The following NBAS variants were observed in gnomAD, a reference collection of about 807,000 sequenced individuals.
NBAS encodes the protein NBAS subunit of NRZ tethering complex.
In NBAS, 219 loss-of-function variants were observed where a neutral mutation model predicts 302.5. The observed-to-expected ratio is 0.72, with a 90% CI of 0.65 to 0.81. NBAS has a LOEUF of 0.81. NBAS is among the 30% of genes least tolerant of loss of function. The pLI is 0.00. For synonymous variants in NBAS, 1,118 were observed against 1,021.6 expected, an observed-to-expected ratio of 1.09 and a Z score of -1.80; for missense variants, 2,932 against 2,841.6, an observed-to-expected ratio of 1.03 and a Z score of -0.72.
rs1025348553 is a variant in NBAS at position 15,393,103 on chromosome 2, G to T, written c.3257+1124C>A. On this transcript the variant is annotated intron_variant, in intron 28 of 51. Transcript: ENST00000281513. Reference sequence around the variant, plus strand: ...AACAATAAACAAAAATGGATTCTTAGAATGGTTCATGGGTCTAAATGTAAA... The same window carrying T: ...AACAATAAACAAAAATGGATTCTTATAATGGTTCATGGGTCTAAATGTAAA... Among the ~76,000 whole-genome samples, 4 of 152,066 alleles carry T rather than the reference G, an allele frequency of 2.6e-5. No homozygotes were observed. The East Asian group carries it at 7.7e-4, about 29-fold the overall frequency.
intron 48 of NBAS, among the ~76,000 whole-genome samples, chr2:15,192,676 T>G (rs1665418524): frequency 6.6e-6 from 1 of 152,178 alleles, no homozygotes. Context: ...TAGCCTTTTC[T>G]TCCTGCAGGA....
chr2:14,937,295 C>T, the NBAS span, among the ~76,000 whole-genome samples: 1 of 152,192 alleles, frequency 6.6e-6, no homozygotes, highest in African/African-American at 2.4e-5. Context: ...ATTTATGAAG[C>T]AGGTGTACTG....
chr2:15,093,056 G>A, the NBAS span, among the ~76,000 whole-genome samples: 1 of 152,200 alleles, frequency 6.6e-6, no homozygotes, highest in Non-Finnish European at 1.5e-5. Flanking sequence ...GCCTCCGTGA[G>A]CCTGCTCTGG....
At chr2:15,230,345 G>A (rs1667328594) in intron 47 of NBAS, among the ~76,000 whole-genome samples, 1 of 138,670 alleles carries the variant, frequency 7.2e-6, no homozygotes, top group Non-Finnish European at 1.5e-5. Flanking sequence ...AAAAATACTT[G>A]CCAAAATAAA....
intron 21 of NBAS, among the ~76,000 whole-genome samples, chr2:15,456,628 A>G (rs1435474618): frequency 6.6e-6 from 1 of 152,218 alleles, no homozygotes; most frequent in East Asian, 1.9e-4. Context: ...CCTACTTTCC[A>G]GGCAATATTC....
At chr2:14,784,894 A>G in the NBAS span, among the ~76,000 whole-genome samples, 1 of 152,208 alleles carries the variant, frequency 6.6e-6, no homozygotes, top group Non-Finnish European at 1.5e-5. Context: ...CATTGAATCT[A>G]TAAATTACCT....
intron 40 of NBAS, among the ~76,000 whole-genome samples, chr2:15,294,568 C>G (rs1027219319): frequency 6.6e-6 from 1 of 152,190 alleles, no homozygotes; most frequent in African/African-American, 2.4e-5. Flanking sequence ...AGCACGTGCA[C>G]AGCCACCTCT....
At chr2:15,178,085 T>C (rs1270414479) in intron 51 of NBAS, 2 of 463,410 alleles carry the variant, frequency 4.3e-6, no homozygotes, top group African/African-American at 2.0e-5. Context: ...CATCAACCTC[T>C]TCACTGTCTT....
At chr2:15,046,432 G>C in the NBAS span, among the ~76,000 whole-genome samples, 1 of 151,966 alleles carries the variant, frequency 6.6e-6, no homozygotes, top group African/African-American at 2.4e-5. Flanking sequence ...CATAATTATA[G>C]AATTTGGGAG....
chr2:15,500,739 G>A (rs1034773214), intron 11 of NBAS, among the ~76,000 whole-genome samples: 14 of 149,502 alleles, frequency 9.4e-5, no homozygotes, highest in Admixed American at 6.7e-4. Context: ...TGGCTAACAC[G>A]GTGAAACCCT....
At chr2:15,099,959 A>G in the NBAS span, among the ~76,000 whole-genome samples, 1 of 152,250 alleles carries the variant, frequency 6.6e-6, no homozygotes, top group East Asian at 1.9e-4. Context: ...AATGACTATT[A>G]GAACACATGT....
the NBAS span, among the ~76,000 whole-genome samples, chr2:14,816,519 T>C: frequency 3.9e-5 from 6 of 152,244 alleles, no homozygotes; most frequent in African/African-American, 1.4e-4. Context: ...GGGACTGGTC[T>C]CTTCCTGCTT....
chr2:15,273,475 G>C (rs1669422715), intron 44 of NBAS, among the ~76,000 whole-genome samples: 3 of 152,214 alleles, frequency 2.0e-5, no homozygotes, highest in Admixed American at 2.0e-4. Context: ...TGACTTCTTA[G>C]AGATAGCACA....
intron 11 of NBAS, among the ~76,000 whole-genome samples, chr2:15,498,929 CTTTTTTT>C (rs374067971): frequency 4.5e-5 from 6 of 133,504 alleles, no homozygotes; most frequent in African/African-American, 1.7e-4. Flanking sequence ...CAGGGAGTTA[CTTTTTTT>C]TTTTTTTTTT....
the NBAS span, among the ~76,000 whole-genome samples, chr2:14,858,887 T>A: frequency 1.3e-5 from 2 of 152,126 alleles, no homozygotes; most frequent in Non-Finnish European, 2.9e-5. Flanking sequence ...TTTACCCCGA[T>A]GTGATTATTA....
chr2:15,324,183 T>C (rs1283137020), intron 38 of NBAS, among the ~76,000 whole-genome samples: 1 of 152,130 alleles, frequency 6.6e-6, no homozygotes, highest in Non-Finnish European at 1.5e-5. Flanking sequence ...ATTTTATAGA[T>C]AAGAAAATGG....
At chr2:15,440,010 G>C (rs958643300) in intron 21 of NBAS, among the ~76,000 whole-genome samples, 5 of 152,366 alleles carry the variant, frequency 3.3e-5, no homozygotes, top group East Asian at 1.9e-4. Flanking sequence ...CGGGAAGCTC[G>C]AACTGGGCGG....
chr2:15,155,963 C>T, the NBAS span, among the ~76,000 whole-genome samples: 285 of 152,262 alleles, frequency 1.9e-3, 2 homozygotes, highest in Non-Finnish European at 3.0e-3. Context: ...GTAAGTATTT[C>T]GAACAAGGAA....
chr2:15,063,689 G>T, the NBAS span, among the ~76,000 whole-genome samples: 1 of 152,164 alleles, frequency 6.6e-6, no homozygotes, highest in African/African-American at 2.4e-5. Context: ...AGAAAGGAAA[G>T]AAAGAGGCAT....
Sources: gnomAD v4.1 joint callset for allele counts (sites outside exome capture counted in the v4.1 genomes callset) on GRCh38, gnomAD v4.1.1 for gene constraint, MANE v1.5 for transcripts, NCBI Gene and HGNC (gene_info 2026-07-23, HGNC 2026-07-21) for gene names.